The following ANKFY1 variants were observed in gnomAD, a reference collection of about 807,000 sequenced individuals.
ANKFY1 encodes ankyrin repeat and FYVE domain-containing protein 1.
A neutral mutation model predicts 128.3 loss-of-function variants in ANKFY1; 47 were observed. That is an observed-to-expected ratio of 0.37 (90% CI 0.29 to 0.47). The LOEUF (loss-of-function observed/expected upper bound fraction) is 0.47. ANKFY1 is among the 20% of genes least tolerant of loss of function. The pLI, the probability that ANKFY1 is intolerant of heterozygous loss-of-function variation, is 1.00. For synonymous variants in ANKFY1, 553 were observed against 601.6 expected, an observed-to-expected ratio of 0.92 and a Z score of 1.18; for missense variants, 1,222 against 1,510.6, an observed-to-expected ratio of 0.81 and a Z score of 3.17.
intron 24 of ANKFY1, among the ~76,000 whole-genome samples, chr17:4,168,416 G>A (rs78374157): frequency 0.025 from 3,813 of 152,200 alleles, 154 homozygotes; most frequent in African/African-American, 0.087. Flanking sequence ...TCGTGTCACT[G>A]TACTCAGCCT....
At chr17:4,212,448 G>C (rs1335813114) in intron 4 of ANKFY1, among the ~76,000 whole-genome samples, 2 of 152,208 alleles carry the variant, frequency 1.3e-5, no homozygotes, top group African/African-American at 4.8e-5. Context: ...TGTTTGTCAA[G>C]ATGGAGGAGA....
chr17:4,182,056 T>C lies in ANKFY1; in HGVS notation c.2121+125A>G, dbSNP rs913869505. 12 of 1,011,670 alleles carry C rather than the reference T, an allele frequency of 1.2e-5. No individual in the cohort carries two copies. In the African/African-American group the frequency reaches 1.5e-4, roughly 13 times the overall value. 62.7% of individuals were successfully genotyped at this position (1,011,670 alleles called of 1,614,324 possible). On this transcript the variant is annotated intron_variant, in intron 15 of 24. Coordinates refer to ENST00000341657, the MANE Select transcript of ANKFY1 (RefSeq NM_001330063.2). ...GTTTCTTTAACATGCTTTCAACTGC[T>C]TGTCCTTGTCCCACTATGTTACTTG...
intron 10 of ANKFY1, 106 bp downstream of exon 10, chr17:4,194,872 T>A (rs1196636405): frequency 2.0e-6 from 2 of 1,024,844 alleles, no homozygotes; most frequent in Admixed American, 4.6e-5. Flanking sequence ...ATAATTATCC[T>A]CATAGTATGC....
intron 3 of ANKFY1, chr17:4,223,237 A>G: frequency 1.2e-6 from 1 of 808,396 alleles, no homozygotes; most frequent in Admixed American, 1.8e-5. Flanking sequence ...GTATACGAGA[A>G]AAGCCCATGG....
chr17:4,179,637 A>G (rs576303604), intron 17 of ANKFY1, 84 bp downstream of exon 17: 4 of 1,519,336 alleles, frequency 2.6e-6, no homozygotes, highest in Non-Finnish European at 3.5e-6. Context: ...GGAACTGGGG[A>G]CTGTGCAAGG....
chr17:4,240,834 C>A (rs1404632390), intron 2 of ANKFY1, among the ~76,000 whole-genome samples: 1 of 152,246 alleles, frequency 6.6e-6, no homozygotes, highest in Non-Finnish European at 1.5e-5. Flanking sequence ...CCACCTCTCA[C>A]TGCTCCTCTA....
intron 21 of ANKFY1, 39 bp from the exon 22 acceptor site, chr17:4,172,719 C>T (rs1339751194): frequency 6.2e-7 from 1 of 1,609,644 alleles, no homozygotes. Context: ...ATGTATCTGC[C>T]ATGGCCATCA....
intron 2 of ANKFY1, among the ~76,000 whole-genome samples, chr17:4,239,145 G>T (rs1305707413): frequency 1.3e-5 from 2 of 152,172 alleles, no homozygotes; most frequent in Non-Finnish European, 1.5e-5. Context: ...GAAGAAAACT[G>T]CCCAGTCTCA....
chr17:4,246,658 T>C (rs1448212653), intron 1 of ANKFY1, among the ~76,000 whole-genome samples: 1 of 152,228 alleles, frequency 6.6e-6, no homozygotes, highest in Admixed American at 6.5e-5. Context: ...TCACACCATA[T>C]TCTAGCCAAC....
chr17:4,255,856 C>T (rs914704464), intron 1 of ANKFY1, among the ~76,000 whole-genome samples: 8 of 151,436 alleles, frequency 5.3e-5, no homozygotes, highest in African/African-American at 1.7e-4. Context: ...TCACTCTTGT[C>T]GCCCAAGCTG....
At chr17:4,255,128 A>G (rs1343350157) in intron 1 of ANKFY1, among the ~76,000 whole-genome samples, 1 of 151,268 alleles carries the variant, frequency 6.6e-6, no homozygotes, top group Non-Finnish European at 1.5e-5. Flanking sequence ...TCTAACCCAC[A>G]CTGTATTCAG....
chr17:4,207,948 A>G lies in ANKFY1; in HGVS notation c.717T>C (p.Ile239=). Residue 239 remains isoleucine, a synonymous_variant, in exon 6 of 25, where the codon ATT becomes ATC. Transcript: ENST00000341657. Reference sequence around the variant, plus strand: ...GCTACAGTACCTGGGAATCCATTTCAATCAGATACAGGAAGACCACGTCTT... The same window carrying G: ...GCTACAGTACCTGGGAATCCATTTCGATCAGATACAGGAAGACCACGTCTT... ...EREDVVFLYL[I]EMDSQLPGKL... The G allele has an allele frequency of 1.3e-6, 2 of 1,595,488 alleles. No individual in the cohort carries two copies. The highest frequency in any genetic ancestry group is 1.7e-6 in the Non-Finnish European group (2 of 1,173,018).
intron 9 of ANKFY1, 84 bp downstream of exon 9, chr17:4,195,319 C>T: frequency 1.3e-6 from 2 of 1,482,050 alleles, no homozygotes; most frequent in East Asian, 4.5e-5. Flanking sequence ...ATATGCAACA[C>T]TAAAGATGTT....
chr17:4,246,753 T>C (rs8075216), intron 1 of ANKFY1, among the ~76,000 whole-genome samples: 143,423 of 152,250 alleles, frequency 0.94, 68,164 homozygotes, highest in Non-Finnish European at 1. Context: ...CTTAAACTGT[T>C]GATCTGCAAA....
chr17:4,183,080 T>C (rs1280548104), intron 14 of ANKFY1, among the ~76,000 whole-genome samples: 1 of 152,188 alleles, frequency 6.6e-6, no homozygotes, highest in African/African-American at 2.4e-5. Context: ...CACTCCAGCC[T>C]AGGCAAAAGA....
intron 1 of ANKFY1, chr17:4,263,510 G>C (rs1407576375): frequency 2.5e-6 from 2 of 800,064 alleles, no homozygotes; most frequent in African/African-American, 2.0e-5. Flanking sequence ...GGAGACCCAC[G>C]CTCTTCCGCA....
At position 4,183,917 on chromosome 17, in the gene ANKFY1, G is replaced by T. The variant is rs754000604; in HGVS notation, c.1700-7C>A. 2.5e-6 allele frequency: 4 copies of T among 1,603,320 alleles called. No homozygotes were observed. In the South Asian group the frequency reaches 4.4e-5, roughly 18 times the overall value. On this transcript the variant is annotated splice_polypyrimidine_tract_variant and splice_region_variant and intron_variant, in intron 12 of 24. Transcript: ENST00000341657. ...GTGGCATGAAGAGCATTGGCTAAAT[G>T]TTTGAAAAAGTAAAAGAACACTTGA...
chr17:4,263,259 G>A (rs1008791977), intron 1 of ANKFY1, among the ~76,000 whole-genome samples: 4 of 152,184 alleles, frequency 2.6e-5, no homozygotes, highest in Non-Finnish European at 2.9e-5. Flanking sequence ...GAGACCAGAG[G>A]GTAGGCACTG....
chr17:4,217,139 C>A (rs1419004599), intron 3 of ANKFY1, 21 bp from the exon 4 acceptor site: 1 of 1,603,654 alleles, frequency 6.2e-7, no homozygotes. Context: ...AAAGAGAGAA[C>A]AACTGAAAAA....
Sources: allele counts gnomAD v4.1 joint callset (sites outside exome capture counted in the v4.1 genomes callset), GRCh38; gene constraint gnomAD v4.1.1; transcripts MANE v1.5; gene names NCBI Gene and HGNC (gene_info 2026-07-23, HGNC 2026-07-21).